Variants in CSMD1 observed in about 807,000 individuals in gnomAD.
CSMD1 encodes the protein CUB and Sushi multiple domains 1, also known as CUB and sushi domain-containing protein 1.
CSMD1 carries 213 observed loss-of-function variants against 417.5 expected under a neutral mutation model. The observed-to-expected ratio is 0.51, with a 90% CI of 0.46 to 0.57. The LOEUF (loss-of-function observed/expected upper bound fraction) is 0.57. CSMD1 is among the 20% of genes least tolerant of loss of function. CSMD1 has a pLI of 0.00. For missense variants in CSMD1, 6,923 were observed against 4,529.7 expected (o/e 1.53, Z -15.17); for synonymous variants, 2,862 against 1,736.8 (o/e 1.65, Z -16.11).
rs541391902 is a variant in CSMD1 at position 3,998,784 on chromosome 8, G to C, written c.611-674C>G. Among the ~76,000 whole-genome samples, 68 of 151,626 alleles carry C rather than the reference G, an allele frequency of 4.5e-4. 1 individual carries two copies. Among genetic ancestry groups the C allele is most frequent in the African/African-American group, 1.6e-3 (67 of 41,434 alleles). On this transcript the variant is annotated intron_variant, in intron 4 of 69. Coordinates refer to ENST00000635120, the MANE Select transcript of CSMD1 (RefSeq NM_033225.6). ...TTGGTTAGAAAGGAAACAGATCTTG[G>C]TAAGTTTGCTATAGAGTAAAAAAGC...
intron 1 of CSMD1, among the ~76,000 whole-genome samples, chr8:4,860,488 A>T (rs934849114): frequency 6.6e-6 from 1 of 151,704 alleles, no homozygotes; most frequent in Non-Finnish European, 1.5e-5. Context: ...TGGCTCCCTC[A>T]TCATCTTTTA....
intron 2 of CSMD1, among the ~76,000 whole-genome samples, chr8:4,465,519 T>C (rs991980809): frequency 2.0e-5 from 3 of 152,212 alleles, no homozygotes; most frequent in African/African-American, 7.2e-5. Flanking sequence ...GTGGGGGATA[T>C]GGAAGCACAT....
chr8:4,252,386 C>T (rs1186810662), intron 3 of CSMD1, among the ~76,000 whole-genome samples: 4 of 152,152 alleles, frequency 2.6e-5, no homozygotes, highest in Admixed American at 2.6e-4. Flanking sequence ...TATGTATTGT[C>T]TTTTTCCAGT....
chr8:3,601,994 G>A lies in CSMD1; in HGVS notation c.1097+14716C>T, dbSNP rs533345705. The stretch of plus-strand genomic sequence containing the variant: ...GTGGCTGTCGGGAGATGTGGGTAGG[G>A]GAGGATGGGAAGTTATGGCTTTATG... On this transcript the variant is annotated intron_variant, in intron 8 of 69. Coordinates refer to ENST00000635120, the MANE Select transcript of CSMD1 (RefSeq NM_033225.6). Among the ~76,000 whole-genome samples, 7 of 152,220 alleles carry A rather than the reference G, an allele frequency of 4.6e-5. No homozygotes were observed. The South Asian group carries it at 1.0e-3, about 23-fold the overall frequency.
At chr8:4,657,856 G>A (rs1030333960) in intron 1 of CSMD1, among the ~76,000 whole-genome samples, 3 of 151,882 alleles carry the variant, frequency 2.0e-5, no homozygotes, top group Non-Finnish European at 2.9e-5. Context: ...CAGGAGAATG[G>A]CATCTGAACA....
At chr8:4,625,569 T>G (rs151033502) in intron 2 of CSMD1, among the ~76,000 whole-genome samples, 33 of 152,174 alleles carry the variant, frequency 2.2e-4, no homozygotes, top group African/African-American at 7.2e-4. Context: ...CTGCCTCCCC[T>G]GGCTCTCCTG....
intron 5 of CSMD1, among the ~76,000 whole-genome samples, chr8:3,986,225 T>C (rs1393643713): frequency 6.6e-6 from 1 of 152,180 alleles, no homozygotes; most frequent in Non-Finnish European, 1.5e-5. Flanking sequence ...AGACACCAGA[T>C]GGAGGAAGAG....
intron 5 of CSMD1, among the ~76,000 whole-genome samples, chr8:3,813,051 T>C (rs1801170385): frequency 2.6e-5 from 4 of 151,998 alleles, no homozygotes; most frequent in South Asian, 4.2e-4. Context: ...TTGAGTGTTG[T>C]ATAAAGGCTG....
At position 3,162,151 on chromosome 8, in the gene CSMD1, A is replaced by T; in HGVS notation, c.5844+8T>A. 4 of 1,561,180 alleles carry T rather than the reference A, an allele frequency of 2.6e-6. No individual in the cohort carries two copies. The highest frequency in any genetic ancestry group is 3.5e-6 in the Non-Finnish European group (4 of 1,139,250). On this transcript the variant is annotated splice_region_variant and intron_variant, in intron 38 of 69. Transcript: ENST00000635120. ...TATGTTATTCCTGAGCACTGAGAAG[A>T]AGGATACCTGCAGGGTGTACCCGGG...
At chr8:3,575,629 A>G (rs1800120010) in intron 9 of CSMD1, among the ~76,000 whole-genome samples, 1 of 152,238 alleles carries the variant, frequency 6.6e-6, no homozygotes, top group South Asian at 2.1e-4. Flanking sequence ...ATTCTACAAT[A>G]AACTATACCA....
At chr8:4,271,549 A>T (rs1384491387) in intron 3 of CSMD1, among the ~76,000 whole-genome samples, 1 of 151,938 alleles carries the variant, frequency 6.6e-6, no homozygotes, top group African/African-American at 2.4e-5. Context: ...TACCACCATT[A>T]CAATTACATT....
At chr8:3,443,493 T>C (rs909571070) in intron 12 of CSMD1, among the ~76,000 whole-genome samples, 1 of 152,194 alleles carries the variant, frequency 6.6e-6, no homozygotes, top group Non-Finnish European at 1.5e-5. Context: ...TATCTACATA[T>C]GTGTGCGTCT....
intron 1 of CSMD1, among the ~76,000 whole-genome samples, chr8:4,690,756 A>G (rs146520460): frequency 1.1e-3 from 170 of 152,210 alleles, no homozygotes; most frequent in African/African-American, 4.0e-3. Flanking sequence ...TTGAGACAGA[A>G]TCTCACTCTG....
At chr8:3,324,106 C>T (rs188563078) in intron 23 of CSMD1, among the ~76,000 whole-genome samples, 19 of 144,598 alleles carry the variant, frequency 1.3e-4, no homozygotes, top group African/African-American at 4.4e-4. Flanking sequence ...GAGTTTCCTT[C>T]ACCCCACCTT....
chr8:4,453,256 G>A (rs894786651), intron 2 of CSMD1, among the ~76,000 whole-genome samples: 7 of 150,134 alleles, frequency 4.7e-5, no homozygotes, highest in African/African-American at 1.7e-4. Flanking sequence ...GAACCTCCTA[G>A]CTGTACCTAA....
intron 7 of CSMD1, among the ~76,000 whole-genome samples, chr8:3,661,058 G>A (rs963860611): frequency 6.6e-6 from 1 of 152,190 alleles, no homozygotes; most frequent in Non-Finnish European, 1.5e-5. Context: ...GCCTTGAAAT[G>A]CTCAGAGAAG....
In CSMD1 at chr8:4,076,213, G is replaced by C. The variant is rs183015635; in HGVS notation, c.416-44114C>G. Among the ~76,000 whole-genome samples, 50 of 152,252 alleles carry C rather than the reference G, an allele frequency of 3.3e-4. No homozygotes were observed. In the East Asian group the frequency reaches 9.3e-3, roughly 28 times the overall value. ...GTTCTCACAAGATCTAATGGTTTTA[G>C]AAGGGGCTTTTCCCCCGTTTCTTGG... On this transcript the variant is annotated intron_variant, in intron 3 of 69. Transcript: ENST00000635120.
chr8:3,298,086 A>T (rs1458097833), intron 25 of CSMD1, among the ~76,000 whole-genome samples: 1 of 152,148 alleles, frequency 6.6e-6, no homozygotes, highest in East Asian at 1.9e-4. Context: ...AATCAATCCC[A>T]TTGTTGGTTA....
At chr8:4,439,792 T>G (rs1798357184) in intron 2 of CSMD1, among the ~76,000 whole-genome samples, 1 of 152,160 alleles carries the variant, frequency 6.6e-6, no homozygotes, top group Non-Finnish European at 1.5e-5. Context: ...ATAGTGACTT[T>G]GAGAAGAGAT....
Sources: gnomAD v4.1 joint callset for allele counts (sites outside exome capture counted in the v4.1 genomes callset) on GRCh38, gnomAD v4.1.1 for gene constraint, MANE v1.5 for transcripts, NCBI Gene and HGNC (gene_info 2026-07-23, HGNC 2026-07-21) for gene names.